The following RSF1 variants were observed in gnomAD, a reference collection of about 807,000 sequenced individuals.
The protein encoded by RSF1 is HBV pX-associated protein 8.
In RSF1, 13 loss-of-function variants were observed where a neutral mutation model predicts 145.2. The observed-to-expected ratio is 0.09, with a 90% confidence interval of 0.06 to 0.14. The LOEUF (loss-of-function observed/expected upper bound fraction) is 0.14. Among genes scored for constraint, RSF1 ranks in the 10% least tolerant of loss-of-function variants. The pLI is 1.00. For synonymous variants in RSF1, 577 were observed against 592.6 expected, an observed-to-expected ratio of 0.97 and a Z score of 0.38; for missense variants, 1,517 against 1,718.2, an observed-to-expected ratio of 0.88 and a Z score of 2.07.
At chr11:77,787,412 A>G (rs1047961768) in intron 1 of RSF1, among the ~76,000 whole-genome samples, 4 of 152,228 alleles carry the variant, frequency 2.6e-5, no homozygotes, top group African/African-American at 7.2e-5. Flanking sequence ...ATGACAATTT[A>G]AAACTACATA....
chr11:77,866,077 A>G, the RSF1 span, among the ~76,000 whole-genome samples: 1 of 152,244 alleles, frequency 6.6e-6, no homozygotes, highest in Admixed American at 6.5e-5. Flanking sequence ...AGATGATAGC[A>G]TTGCTACTAC....
intron 3 of RSF1, among the ~76,000 whole-genome samples, chr11:77,742,516 G>T (rs1947952443): frequency 6.6e-6 from 1 of 152,048 alleles, no homozygotes; most frequent in African/African-American, 2.4e-5. Flanking sequence ...TTAACCTCGT[G>T]ATCCGCCTGC....
the RSF1 span, among the ~76,000 whole-genome samples, chr11:77,853,453 A>G: frequency 6.6e-6 from 1 of 152,120 alleles, no homozygotes; most frequent in Admixed American, 6.6e-5. Context: ...TTAAACAACC[A>G]GAACTCATGA....
At chr11:77,809,976 T>C (rs1014232168) in intron 1 of RSF1, among the ~76,000 whole-genome samples, 2 of 152,220 alleles carry the variant, frequency 1.3e-5, no homozygotes, top group African/African-American at 4.8e-5. Context: ...CCCTGAGATA[T>C]CTAGCATAAC....
rs142364802 is a variant in RSF1, at chr11:77,729,034, C to T, written c.579-3335G>A. 2.7e-3 allele frequency among the ~76,000 whole-genome samples: 414 copies of T among 152,236 alleles called. 2 individuals are homozygous for T. The highest frequency in any genetic ancestry group is 4.6e-3 in the Non-Finnish European group (314 of 68,004). On this transcript the variant is annotated intron_variant, in intron 4 of 15. Transcript: ENST00000308488. ...TGTGGAGTGAGAGAAAAAGCAGTTA[C>T]GGATGTGCTCCAAGGTTTTGGGCCT...
intron 1 of RSF1, among the ~76,000 whole-genome samples, chr11:77,807,653 G>C (rs1948690400): frequency 6.6e-6 from 1 of 152,148 alleles, no homozygotes; most frequent in Non-Finnish European, 1.5e-5. Context: ...TGAAGTATTA[G>C]GAAAAATAGG....
At chr11:77,848,142 C>A in the RSF1 span, among the ~76,000 whole-genome samples, 37 of 152,104 alleles carry the variant, frequency 2.4e-4, no homozygotes, top group African/African-American at 8.9e-4. Flanking sequence ...AGTCTGTAGT[C>A]CAGTTGAGCT....
intron 1 of RSF1, among the ~76,000 whole-genome samples, chr11:77,794,021 C>T (rs1948548157): frequency 6.6e-6 from 1 of 152,052 alleles, no homozygotes; most frequent in African/African-American, 2.4e-5. Flanking sequence ...AACACTGGAG[C>T]ACACAAGTTC....
At chr11:77,770,234 G>A (rs909774428) in intron 1 of RSF1, among the ~76,000 whole-genome samples, 13 of 152,276 alleles carry the variant, frequency 8.5e-5, no homozygotes, top group Admixed American at 3.9e-4. Context: ...AGGCCAAGGC[G>A]GGTGGATCAC....
intron 14 of RSF1, among the ~76,000 whole-genome samples, chr11:77,673,240 T>C (rs1255812060): frequency 1.3e-5 from 2 of 152,204 alleles, no homozygotes; most frequent in African/African-American, 4.8e-5. Context: ...CCATAAAGAA[T>C]ACAAATCTGC....
At chr11:77,751,211 T>C (rs966072728) in intron 2 of RSF1, among the ~76,000 whole-genome samples, 1 of 152,166 alleles carries the variant, frequency 6.6e-6, no homozygotes, top group Non-Finnish European at 1.5e-5. Flanking sequence ...CTCAGTGGGA[T>C]CATTAACTTA....
chr11:77,814,730 C>T (rs1482907526), intron 1 of RSF1, among the ~76,000 whole-genome samples: 5 of 152,180 alleles, frequency 3.3e-5, no homozygotes, highest in African/African-American at 4.8e-5. Context: ...CAGGCATGAG[C>T]CACCGTGCCC....
At chr11:77,777,742 C>T (rs1948356977) in intron 1 of RSF1, among the ~76,000 whole-genome samples, 2 of 152,080 alleles carry the variant, frequency 1.3e-5, no homozygotes, top group African/African-American at 4.8e-5. Flanking sequence ...CCTAGCTACT[C>T]GAGAGACTCA....
chr11:77,768,230 T>C (rs1948246493), intron 1 of RSF1, among the ~76,000 whole-genome samples: 1 of 149,748 alleles, frequency 6.7e-6, no homozygotes, highest in African/African-American at 2.5e-5. Context: ...TGGTGTGATC[T>C]TGGCTCACTG....
the RSF1 span, among the ~76,000 whole-genome samples, chr11:77,857,896 C>T: frequency 1.3e-5 from 2 of 152,040 alleles, no homozygotes; most frequent in East Asian, 3.9e-4. Context: ...AGGGTTTCAC[C>T]ATATTGGCCA....
At chr11:77,747,166 A>G (rs1220288942) in intron 2 of RSF1, 38 bp from the exon 3 acceptor site, 1 of 1,250,316 alleles carries the variant, frequency 8.0e-7, no homozygotes, top group Non-Finnish European at 1.2e-6. Flanking sequence ...CATGAAAGCA[A>G]TTTTTATTTA....
intron 7 of RSF1, among the ~76,000 whole-genome samples, chr11:77,697,633 T>C (rs1033753053): frequency 6.7e-6 from 1 of 149,692 alleles, no homozygotes; most frequent in African/African-American, 2.4e-5. Context: ...TCTATAAAAG[T>C]GGTACTATTC....
chr11:77,698,341 G>T (rs2135849617), intron 7 of RSF1, 146 bp downstream of exon 7: 1 of 672,870 alleles, frequency 1.5e-6, no homozygotes, highest in East Asian at 2.7e-5. Context: ...TAGGTTATAT[G>T]AGAAACAGAA....
chr11:77,810,705 T>C (rs1053586391), intron 1 of RSF1, among the ~76,000 whole-genome samples: 5 of 152,222 alleles, frequency 3.3e-5, no homozygotes, highest in African/African-American at 1.2e-4. Context: ...GGATTACAGG[T>C]GTATCCCACC....
Sources: allele counts gnomAD v4.1 joint callset (sites outside exome capture counted in the v4.1 genomes callset), GRCh38; gene constraint gnomAD v4.1.1; transcripts MANE v1.5; gene names NCBI Gene and HGNC (gene_info 2026-07-23, HGNC 2026-07-21).